MCC: variants seen among roughly 807,000 people sequenced by gnomAD.
The protein encoded by MCC is colorectal mutant cancer protein.
MCC carries 90 observed loss-of-function variants against 116.2 expected under a neutral mutation model. The observed-to-expected ratio is 0.77, with a 90% CI of 0.65 to 0.92. The LOEUF (loss-of-function observed/expected upper bound fraction) is 0.92, where lower values mean the gene tolerates loss of function less well. Ranked by LOEUF, MCC falls within the 40% of genes least tolerant of loss-of-function variation. The probability of loss-of-function intolerance (pLI) is 0.00; values close to 1 mark genes in which losing one functional copy is unlikely to be tolerated. For missense variants in MCC, 1,516 were observed against 1,312.2 expected (o/e 1.16, Z -2.40); for synonymous variants, 578 against 510.5 (o/e 1.13, Z -1.78).
intron 1 of MCC, among the ~76,000 whole-genome samples, chr5:113,385,955 T>C (rs190022328): frequency 5.9e-5 from 9 of 151,942 alleles, no homozygotes; most frequent in African/African-American, 9.7e-5. Flanking sequence ...AGTCTCAAAT[T>C]TAAAAAAAGA....
In MCC at chr5:113,064,026, C is replaced by T. The variant is rs1050948804; in HGVS notation, c.2171G>A (p.Ser724Asn). The T allele has an allele frequency of 8.7e-6, 14 of 1,613,850 alleles. No individual in the cohort carries two copies. Among genetic ancestry groups the T allele is most frequent in the Non-Finnish European group, 1.2e-5 (14 of 1,180,018 alleles). Residue 724 changes from serine (S) to asparagine (N), a missense_variant, in exon 14 of 19, where the codon AGC (serine) becomes AAC (asparagine). By Grantham distance (46) the Ser-to-Asn change is conservative (BLOSUM62 1). Transcript: ENST00000408903. Reference protein sequence around the residue: ...CGGAFAVAGCSVQPWESLSSN... With the variant: ...CGGAFAVAGCNVQPWESLSSN... ...GGAAAGGCTCTCCCAGGGCTGCACG[C>T]TGCAGCCGGCCACGGCAAAGGCTCC...
intron 1 of MCC, 123 bp from the exon 2 acceptor site, chr5:113,385,335 T>C: frequency 1.0e-6 from 1 of 998,656 alleles, no homozygotes; most frequent in Non-Finnish European, 1.5e-6. Flanking sequence ...TTTTCAACTT[T>C]CTCATTGTTT....
Position 113,434,516 on chromosome 5 carries a change from CA to C in MCC, c.171-49305del. The C allele has an allele frequency of 6.2e-7, 1 of 1,612,742 alleles. No homozygotes were observed. Among genetic ancestry groups the C allele is most frequent in the Non-Finnish European group, 8.5e-7 (1 of 1,178,914 alleles). ...ACTTCTTGCGAGCTTCGTCCTCATG[CA>C]GGGCTCCCCGGGTTTTGATTAACTC... On this transcript the variant is annotated intron_variant, in intron 1 of 18. Coordinates refer to ENST00000408903, the MANE Select transcript of MCC (RefSeq NM_001085377.2). This position sits in a 1 kb window ranked among gnomAD's most constrained non-coding sequence, Gnocchi z 4.2.
At chr5:113,047,404 C>G (rs1205967500) in intron 16 of MCC, among the ~76,000 whole-genome samples, 1 of 152,204 alleles carries the variant, frequency 6.6e-6, no homozygotes, top group Non-Finnish European at 1.5e-5. Context: ...GCTGGCCTGG[C>G]TGGGTGCCAC....
At chr5:113,126,531 G>A (rs1037144662) in intron 5 of MCC, among the ~76,000 whole-genome samples, 1 of 151,878 alleles carries the variant, frequency 6.6e-6, no homozygotes, top group African/African-American at 2.4e-5. Flanking sequence ...CAATTTTCTG[G>A]AAATTTGTGA....
intron 3 of MCC, among the ~76,000 whole-genome samples, chr5:113,159,529 C>T (rs1760365315): frequency 6.6e-6 from 1 of 152,158 alleles, no homozygotes; most frequent in Non-Finnish European, 1.5e-5. Context: ...GTTCCCTGTC[C>T]AGAGGCTACC....
intron 3 of MCC, among the ~76,000 whole-genome samples, chr5:113,160,944 A>G (rs1760449411): frequency 6.6e-6 from 1 of 152,210 alleles, no homozygotes. Context: ...ACTACAGAAA[A>G]GGAAAGGTTA....
At chr5:113,093,197 T>C (rs2150249230) in intron 8 of MCC, among the ~76,000 whole-genome samples, 2 of 152,336 alleles carry the variant, frequency 1.3e-5, no homozygotes, top group Middle Eastern at 6.8e-3. Flanking sequence ...ATAAATTATT[T>C]GCAAGGAATA....
chr5:113,423,560 AT>A (rs1489456560), intron 1 of MCC, among the ~76,000 whole-genome samples: 1 of 152,238 alleles, frequency 6.6e-6, no homozygotes, highest in Non-Finnish European at 1.5e-5. Context: ...AACAGAAGTG[AT>A]GATTAGAACA....
chr5:113,268,076 C>T (rs555449301), intron 3 of MCC, among the ~76,000 whole-genome samples: 11 of 152,252 alleles, frequency 7.2e-5, no homozygotes, highest in African/African-American at 2.4e-4. Flanking sequence ...GCCAACGAAT[C>T]TTCTATCTTA....
chr5:113,290,522 A>G (rs1766449741), intron 3 of MCC, among the ~76,000 whole-genome samples: 1 of 152,236 alleles, frequency 6.6e-6, no homozygotes, highest in African/African-American at 2.4e-5. Context: ...AACCAGATCA[A>G]GCAGACAACT....
chr5:113,089,595 G>A (rs922219609), intron 8 of MCC, among the ~76,000 whole-genome samples: 1 of 152,216 alleles, frequency 6.6e-6, no homozygotes, highest in Non-Finnish European at 1.5e-5. Flanking sequence ...CTGTACAGAC[G>A]GAAATGTTCT....
At chr5:113,302,431 C>G (rs1766885952) in intron 3 of MCC, among the ~76,000 whole-genome samples, 1 of 152,032 alleles carries the variant, frequency 6.6e-6, no homozygotes, top group African/African-American at 2.4e-5. Flanking sequence ...TGTTGAGATC[C>G]TGATTCAAAC....
chr5:113,329,155 T>C (rs2416310), intron 3 of MCC, among the ~76,000 whole-genome samples: 83,260 of 152,016 alleles, frequency 0.55, 24,535 homozygotes, highest in African/African-American at 0.76. Context: ...AGATAATCTA[T>C]GCAAAACAAG....
intron 3 of MCC, among the ~76,000 whole-genome samples, chr5:113,206,703 T>C (rs150852103): frequency 6.6e-6 from 1 of 152,266 alleles, no homozygotes; most frequent in East Asian, 1.9e-4. Flanking sequence ...AGCGAGACTG[T>C]CTCAAAAAAA....
intron 11 of MCC, among the ~76,000 whole-genome samples, chr5:113,079,343 T>G (rs1465480278): frequency 6.6e-6 from 1 of 152,226 alleles, no homozygotes; most frequent in Non-Finnish European, 1.5e-5. Context: ...AGAGCCCACA[T>G]TGCTAAGACA....
At chr5:113,483,328 G>A (rs1193142998) in intron 1 of MCC, among the ~76,000 whole-genome samples, 3 of 152,158 alleles carry the variant, frequency 2.0e-5, no homozygotes. Flanking sequence ...TTCTGAGAAG[G>A]ACTGCATTGA....
At chr5:113,416,215 G>C (rs1459680860) in intron 1 of MCC, among the ~76,000 whole-genome samples, 1 of 152,190 alleles carries the variant, frequency 6.6e-6, no homozygotes, top group African/African-American at 2.4e-5. Context: ...CTCTTAAAAA[G>C]AATAAGGTCC....
chr5:113,287,554 C>T (rs530607319), intron 3 of MCC, among the ~76,000 whole-genome samples: 4 of 152,060 alleles, frequency 2.6e-5, no homozygotes, highest in East Asian at 1.9e-4. Context: ...CTTGAACTCT[C>T]GACCTCATGA....
Sources: gnomAD v4.1 joint callset for allele counts (sites outside exome capture counted in the v4.1 genomes callset) on GRCh38, gnomAD v4.1.1 for gene constraint, Gnocchi (gnomAD v3.1) non-coding constraint, MANE v1.5 for transcripts, NCBI Gene and HGNC (gene_info 2026-07-23, HGNC 2026-07-21) for gene names.